ATXN7: variants seen among roughly 807,000 people sequenced by gnomAD.
ATXN7 encodes the protein ataxin 7, also known as ataxin-7.
Under a neutral mutation model 70.5 loss-of-function variants are expected in ATXN7, and 12 were observed. That is an observed-to-expected ratio of 0.17 (90% CI 0.11 to 0.28). The LOEUF (loss-of-function observed/expected upper bound fraction) is 0.28. Among genes scored for constraint, ATXN7 ranks in the 10% least tolerant of loss-of-function variants. ATXN7 has a pLI of 1.00. For missense variants in ATXN7, 1,256 were observed against 1,131.7 expected (o/e 1.11, Z -1.58); for synonymous variants, 498 against 448.7 (o/e 1.11, Z -1.39).
At chr3:63,923,898 G>C (rs903259621) in intron 4 of ATXN7, among the ~76,000 whole-genome samples, 1 of 152,166 alleles carries the variant, frequency 6.6e-6, no homozygotes, top group Non-Finnish European at 1.5e-5. Context: ...AGGTTAGACT[G>C]TAGAGGCCAA....
In ATXN7 at chr3:64,000,421, C is replaced by G. The variant is rs1318060069; in HGVS notation, c.*954C>G. On this transcript the variant is annotated 3_prime_UTR_variant, in exon 13 of 13. Transcript: ENST00000674280. ...TGGCAGATTGGGTTGGTTGTCCTAC[C>G]TGGTCTATTTTTAAAAGTCACCTTT... is the stretch of plus-strand genomic sequence containing the variant. 1 of 152,434 alleles carries G rather than the reference C, an allele frequency of 6.6e-6. No individual in the cohort carries two copies. Among genetic ancestry groups the G allele is most frequent in the Admixed American group, 6.5e-5 (1 of 15,272 alleles). The allele number at this position is 152,434 out of a possible 1,614,324, so 9.4% of individuals were successfully genotyped here.
intron 1 of ATXN7, among the ~76,000 whole-genome samples, chr3:63,894,003 TA>T (rs777010953): frequency 6.6e-6 from 1 of 152,224 alleles, no homozygotes; most frequent in Non-Finnish European, 1.5e-5. Context: ...TAACTTGGTT[TA>T]AACATTTTTG....
chr3:63,987,758 A>G (rs1031393366), intron 8 of ATXN7, among the ~76,000 whole-genome samples: 1 of 152,110 alleles, frequency 6.6e-6, no homozygotes, highest in Non-Finnish European at 1.5e-5. Flanking sequence ...AGTACTTGTT[A>G]TATAGCGCTA....
intron 12 of ATXN7, chr3:63,997,886 A>G: frequency 1.0e-6 from 1 of 985,418 alleles, no homozygotes; most frequent in Non-Finnish European, 1.2e-6. Context: ...GAATTTAACT[A>G]GCTGCATGCA....
chr3:63,948,430 G>A (rs1361825776), intron 4 of ATXN7, among the ~76,000 whole-genome samples: 1 of 152,126 alleles, frequency 6.6e-6, no homozygotes, highest in East Asian at 1.9e-4. Context: ...TGTCTAGTAG[G>A]CAGTCTGGTA....
intron 1 of ATXN7, among the ~76,000 whole-genome samples, chr3:63,891,879 G>A (rs1285202178): frequency 6.6e-6 from 1 of 152,140 alleles, no homozygotes; most frequent in Non-Finnish European, 1.5e-5. Context: ...AAAGAGGTGG[G>A]TAGAATAATT....
chr3:63,898,336 A>G (rs1703507604), intron 1 of ATXN7, 63 bp from the exon 2 acceptor site: 1 of 152,158 alleles, frequency 6.6e-6, no homozygotes, highest in African/African-American at 2.4e-5. Context: ...ATGAGATTGT[A>G]TGTTTCTGAT....
chr3:63,883,322 C>A (rs1360152151), intron 1 of ATXN7, among the ~76,000 whole-genome samples: 1 of 152,100 alleles, frequency 6.6e-6, no homozygotes, highest in East Asian at 1.9e-4. Flanking sequence ...CTGAGGTCAC[C>A]AGAGATTTTA....
At chr3:63,886,252 G>C (rs117386017) in intron 1 of ATXN7, among the ~76,000 whole-genome samples, 1 of 152,142 alleles carries the variant, frequency 6.6e-6, no homozygotes, top group Non-Finnish European at 1.5e-5. Flanking sequence ...CTGGGAGTTG[G>C]GGGAGTGGTG....
At chr3:63,882,490 T>A (rs564234798) in intron 1 of ATXN7, among the ~76,000 whole-genome samples, 1 of 150,422 alleles carries the variant, frequency 6.6e-6, no homozygotes, top group East Asian at 2.0e-4. Flanking sequence ...GTTCAAGCAA[T>A]TCTCGTGTCT....
At chr3:63,934,448 A>G (rs1286074031) in intron 4 of ATXN7, among the ~76,000 whole-genome samples, 1 of 152,104 alleles carries the variant, frequency 6.6e-6, no homozygotes, top group Non-Finnish European at 1.5e-5. Context: ...ACTTCTTTCC[A>G]GAGATCAAAA....
At chr3:63,985,429 G>A (rs1196434884) in intron 8 of ATXN7, among the ~76,000 whole-genome samples, 1 of 152,192 alleles carries the variant, frequency 6.6e-6, no homozygotes, top group African/African-American at 2.4e-5. Context: ...GCATCCACCA[G>A]GCCTGCCCTT....
chr3:63,989,752 A>T (rs1295312777), intron 9 of ATXN7, among the ~76,000 whole-genome samples: 1 of 152,212 alleles, frequency 6.6e-6, no homozygotes, highest in Non-Finnish European at 1.5e-5. Context: ...TGCTATCCCC[A>T]GGAGGTCCTG....
intron 11 of ATXN7, among the ~76,000 whole-genome samples, chr3:63,992,391 T>C (rs1444315528): frequency 6.6e-6 from 1 of 151,342 alleles, no homozygotes; most frequent in Non-Finnish European, 1.5e-5. Flanking sequence ...TCTGCAGGGG[T>C]TTTTCCACAC....
At chr3:63,913,516 C>T (rs2107300034) in intron 4 of ATXN7, among the ~76,000 whole-genome samples, 1 of 152,322 alleles carries the variant, frequency 6.6e-6, no homozygotes, top group African/African-American at 2.4e-5. Flanking sequence ...TTTCTGACCT[C>T]CTTACGGAGA....
intron 4 of ATXN7, among the ~76,000 whole-genome samples, chr3:63,943,762 C>T (rs1269755901): frequency 2.6e-5 from 4 of 152,152 alleles, no homozygotes; most frequent in African/African-American, 9.7e-5. Context: ...CTTTGGATTC[C>T]TTCCTCTGCC....
At chr3:63,943,701 T>G (rs1306883750) in intron 4 of ATXN7, among the ~76,000 whole-genome samples, 1 of 152,150 alleles carries the variant, frequency 6.6e-6, no homozygotes, top group Non-Finnish European at 1.5e-5. Context: ...TGCCTAACCC[T>G]TCATGTGTTT....
At chr3:63,906,127 T>C (rs1703829147) in intron 2 of ATXN7, among the ~76,000 whole-genome samples, 1 of 152,210 alleles carries the variant, frequency 6.6e-6, no homozygotes, top group Non-Finnish European at 1.5e-5. Context: ...GGCCTTTACC[T>C]CTACCAAGAA....
At chr3:63,957,749 T>TCA (rs1464610102) in intron 5 of ATXN7, among the ~76,000 whole-genome samples, 2 of 152,228 alleles carry the variant, frequency 1.3e-5, no homozygotes, top group Non-Finnish European at 2.9e-5. Context: ...GAGTAAGTTT[T>TCA]CACTTGTCAT....
Sources: allele counts gnomAD v4.1 joint callset (sites outside exome capture counted in the v4.1 genomes callset), GRCh38; gene constraint gnomAD v4.1.1; transcripts MANE v1.5; gene names NCBI Gene and HGNC (gene_info 2026-07-23, HGNC 2026-07-21).